ZNF423: variants seen among roughly 807,000 people sequenced by gnomAD.
The protein encoded by ZNF423 is Ebf-associated zinc finger protein.
Under a neutral mutation model 95.8 loss-of-function variants are expected in ZNF423, and 12 were observed. The observed-to-expected ratio is 0.13, with a 90% CI of 0.08 to 0.20. The LOEUF is 0.20. ZNF423 is among the 10% of genes least tolerant of loss of function. The pLI is 1.00. For missense variants in ZNF423, 1,316 were observed against 1,737.1 expected (o/e 0.76, Z 4.31); for synonymous variants, 749 against 711.9 (o/e 1.05, Z -0.83).
intron 4 of ZNF423, among the ~76,000 whole-genome samples, chr16:49,628,154 C>T (rs1972370300): frequency 6.6e-6 from 1 of 151,120 alleles, no homozygotes; most frequent in Admixed American, 6.6e-5. Context: ...ATCTACCCAT[C>T]CATCCATCTA....
At chr16:49,498,299 T>C (rs1160899400) in intron 7 of ZNF423, among the ~76,000 whole-genome samples, 2 of 152,250 alleles carry the variant, frequency 1.3e-5, no homozygotes, top group African/African-American at 4.8e-5. Flanking sequence ...ATGGCAGTGC[T>C]GGGTCTGCAC....
intron 5 of ZNF423, 32 bp from the exon 6 acceptor site, chr16:49,525,526 C>T: frequency 6.2e-7 from 1 of 1,613,030 alleles, no homozygotes. Context: ...AGTCAGTGAC[C>T]AGCATGCCAT....
At chr16:49,817,621 G>C (rs1297589438) in intron 1 of ZNF423, among the ~76,000 whole-genome samples, 1 of 152,200 alleles carries the variant, frequency 6.6e-6, no homozygotes, top group East Asian at 1.9e-4. Flanking sequence ...GGAGAGTGGT[G>C]CTGGGCAGGA....
chr16:49,856,336 G>A (rs1352215046), upstream of ZNF423, among the ~76,000 whole-genome samples: 1 of 148,616 alleles, frequency 6.7e-6, no homozygotes, highest in Admixed American at 6.7e-5. Context: ...GAACCCATCT[G>A]AGGAGGGGGA....
At chr16:49,625,816 G>A in intron 5 of ZNF423, among the ~76,000 whole-genome samples, 1 of 152,358 alleles carries the variant, frequency 6.6e-6, no homozygotes, top group South Asian at 2.1e-4. Flanking sequence ...GTTGAGTAGG[G>A]AAATGTGAGC....
intron 7 of ZNF423, among the ~76,000 whole-genome samples, chr16:49,502,971 TCACA>T (rs1209519798): frequency 7.3e-6 from 1 of 136,178 alleles, no homozygotes; most frequent in African/African-American, 2.8e-5. Context: ...CCATGCACAC[TCACA>T]CACACACGGA....
At chr16:49,836,773 C>T (rs891628295) in intron 1 of ZNF423, among the ~76,000 whole-genome samples, 2 of 152,138 alleles carry the variant, frequency 1.3e-5, no homozygotes, top group African/African-American at 4.8e-5. Flanking sequence ...CCCCACTGAA[C>T]CTCTCTCCAC....
chr16:49,691,687 G>A (rs1454737608), intron 3 of ZNF423, among the ~76,000 whole-genome samples: 1 of 151,608 alleles, frequency 6.6e-6, no homozygotes, highest in South Asian at 2.1e-4. Context: ...AGCCGAGATC[G>A]CACCACTGCA....
At chr16:49,582,409 T>C (rs1261158321) in intron 5 of ZNF423, among the ~76,000 whole-genome samples, 2 of 152,264 alleles carry the variant, frequency 1.3e-5, no homozygotes, top group Non-Finnish European at 2.9e-5. Context: ...GCAAATGCTT[T>C]TACTTCATCC....
intron 5 of ZNF423, among the ~76,000 whole-genome samples, chr16:49,595,508 A>C (rs1971154067): frequency 6.6e-6 from 1 of 152,230 alleles, no homozygotes; most frequent in African/African-American, 2.4e-5. Flanking sequence ...TTAGCACTCA[A>C]CTGGAGGGAT....
At chr16:49,730,369 C>A (rs2033132573) in intron 3 of ZNF423, among the ~76,000 whole-genome samples, 1 of 152,218 alleles carries the variant, frequency 6.6e-6, no homozygotes, top group Admixed American at 6.5e-5. Flanking sequence ...CTCATCCCAT[C>A]AGAAGCTCTG....
chr16:49,755,318 C>T (rs998548161), intron 2 of ZNF423, among the ~76,000 whole-genome samples: 1 of 152,198 alleles, frequency 6.6e-6, no homozygotes, highest in African/African-American at 2.4e-5. Flanking sequence ...ACCCTCCCGC[C>T]TCCTCGCCCG....
intron 1 of ZNF423, among the ~76,000 whole-genome samples, chr16:49,817,591 G>C (rs536781518): frequency 6.6e-6 from 1 of 152,328 alleles, no homozygotes; most frequent in South Asian, 2.1e-4. Context: ...TACCGCCTTA[G>C]CCTGATTGAG....
intron 3 of ZNF423, among the ~76,000 whole-genome samples, chr16:49,641,416 A>G (rs932569219): frequency 6.6e-6 from 1 of 152,222 alleles, no homozygotes; most frequent in African/African-American, 2.4e-5. Context: ...GGGCTGGCCC[A>G]TGATTTGCAT....
At chr16:49,665,993 G>A (rs551621940) in intron 3 of ZNF423, among the ~76,000 whole-genome samples, 6 of 152,234 alleles carry the variant, frequency 3.9e-5, no homozygotes, top group African/African-American at 9.6e-5. Flanking sequence ...AGTGGGCCCC[G>A]GAACACAGCA....
chr16:49,794,124 C>T (rs1480274752), intron 1 of ZNF423, among the ~76,000 whole-genome samples: 1 of 152,040 alleles, frequency 6.6e-6, no homozygotes, highest in East Asian at 1.9e-4. Context: ...GCAGGCACAA[C>T]CTCCTGGCTA....
intron 2 of ZNF423, among the ~76,000 whole-genome samples, chr16:49,768,784 A>G (rs548338521): frequency 1.3e-5 from 2 of 152,098 alleles, no homozygotes; most frequent in East Asian, 3.9e-4. Flanking sequence ...ATGGCACCCA[A>G]AACACATCTT....
At chr16:49,673,130 C>G (rs1477904065) in intron 3 of ZNF423, among the ~76,000 whole-genome samples, 1 of 152,162 alleles carries the variant, frequency 6.6e-6, no homozygotes, top group Admixed American at 6.5e-5. Context: ...ATCATTTTAC[C>G]CACAACAAAT....
At chr16:49,491,586 G>A (rs1175475028) in intron 7 of ZNF423, among the ~76,000 whole-genome samples, 2 of 147,710 alleles carry the variant, frequency 1.4e-5, no homozygotes, top group African/African-American at 5.1e-5. Context: ...GGTCTTACCG[G>A]GGGGACTGGC....
Sources: allele counts gnomAD v4.1 joint callset (sites outside exome capture counted in the v4.1 genomes callset), GRCh38; gene constraint gnomAD v4.1.1; transcripts MANE v1.5; gene names NCBI Gene and HGNC (gene_info 2026-07-23, HGNC 2026-07-21).